Variants in GAB2 observed in about 807,000 individuals in gnomAD.
GAB2 encodes the protein GRB2-associated-binding protein 2.
Under a neutral mutation model 65.5 loss-of-function variants are expected in GAB2, and 26 were observed. The observed-to-expected ratio is 0.40, with a 90% CI of 0.29 to 0.55. GAB2 has a LOEUF of 0.55. Among genes scored for constraint, GAB2 ranks in the 20% least tolerant of loss-of-function variants. The pLI, the probability that GAB2 is intolerant of heterozygous loss-of-function variation, is 0.53. For missense variants in GAB2, 884 were observed against 875.8 expected, an observed-to-expected ratio of 1.01 and a Z score of -0.12; for synonymous variants, 321 against 329.6, an observed-to-expected ratio of 0.97 and a Z score of 0.28.
At position 78,219,299 on chromosome 11, in the gene GAB2, T is replaced by C. The variant is rs2450122; in HGVS notation, c.2004A>G (p.Ser668=). 0.18 allele frequency: 296,675 copies of C among 1,613,214 alleles called. 30,683 individuals carry two copies. Among genetic ancestry groups the C allele is most frequent in the East Asian group, 0.41 (18,344 of 44,810 alleles). The part of the protein sequence containing the change: ...MQEWTDVRQS[S]EPSKGAKL ...ACAGCTTGGCACCCTTGGAAGGCTC[T>C]GAGGACTGCCGCACGTCTGTCCACT... The change falls in exon 10 of 10, where the codon TCA becomes TCG. Residue 668 remains serine (S), a synonymous_variant. Transcript: ENST00000361507.
In GAB2 at chr11:78,226,620, G is replaced by GGGGGGGGCCC; in HGVS notation, c.1051_1052insGGGCCCCCCC (p.Pro351ArgfsTer30). 2 of 1,500,520 alleles carry GGGGGGGGCCC rather than the reference G, an allele frequency of 1.3e-6. No homozygotes were observed. Among genetic ancestry groups the GGGGGGGGCCC allele is most frequent in the South Asian group, 1.1e-5 (1 of 88,864 alleles). The allele number at this position is 1,500,520 out of a possible 1,614,324, so 93.0% of individuals were successfully genotyped here. On this transcript the variant is annotated frameshift_variant, in exon 4 of 10. Transcript: ENST00000361507. LOFTEE classifies it high-confidence loss of function. ...ACTTGGCTTGGGGGGGCGGGGTGGG[G>GGGGGGGGCCC]GAGCTATGGCTGAGTCCCCAGGAGT...
intron 3 of GAB2, among the ~76,000 whole-genome samples, chr11:78,247,640 C>G (rs1865334322): frequency 6.6e-6 from 1 of 152,136 alleles, no homozygotes; most frequent in Non-Finnish European, 1.5e-5. Flanking sequence ...TCACTTCTTT[C>G]AAGAGTCAGA....
At chr11:78,250,551 C>G in intron 2 of GAB2, 151 bp from the exon 3 acceptor site, 1 of 695,810 alleles carries the variant, frequency 1.4e-6, no homozygotes. Context: ...CCCTTGCTGC[C>G]CTCCTGGCCA....
chr11:78,307,525 A>T (rs1033786114), intron 1 of GAB2, among the ~76,000 whole-genome samples: 15 of 151,848 alleles, frequency 9.9e-5, no homozygotes, highest in Admixed American at 9.8e-4. Flanking sequence ...TGGGAGGCCA[A>T]GATAGGAGGA....
intron 1 of GAB2, among the ~76,000 whole-genome samples, chr11:78,362,907 C>T (rs1856452416): frequency 1.3e-5 from 2 of 152,090 alleles, no homozygotes; most frequent in South Asian, 4.1e-4. Context: ...GGTTCAAAGG[C>T]CCAGAAGTCA....
At chr11:78,333,775 G>C (rs1281499945) in intron 1 of GAB2, among the ~76,000 whole-genome samples, 1 of 152,164 alleles carries the variant, frequency 6.6e-6, no homozygotes, top group African/African-American at 2.4e-5. Flanking sequence ...CAGCATTTGA[G>C]ACACCTGAAG....
At chr11:78,250,052 TGAAAC>T in intron 3 of GAB2, 100 bp downstream of exon 3, 1 of 1,212,180 alleles carries the variant, frequency 8.2e-7, no homozygotes, top group Admixed American at 1.9e-5. Flanking sequence ...TTTGTCTACC[TGAAAC>T]GATATAATGT....
chr11:78,282,253 T>C (rs1866354020), intron 1 of GAB2, among the ~76,000 whole-genome samples: 1 of 152,136 alleles, frequency 6.6e-6, no homozygotes, highest in Admixed American at 6.5e-5. Context: ...GCACAAAGAC[T>C]ACATATAACA....
intron 1 of GAB2, among the ~76,000 whole-genome samples, chr11:78,387,436 CTCA>C (rs1399683292): frequency 1.1e-4 from 16 of 152,274 alleles, no homozygotes; most frequent in African/African-American, 3.4e-4. Context: ...TTATCAAGTT[CTCA>C]TCAAGTTTAT....
intron 1 of GAB2, among the ~76,000 whole-genome samples, chr11:78,337,341 C>T (rs757705686): frequency 1.3e-5 from 2 of 152,090 alleles, no homozygotes; most frequent in African/African-American, 4.8e-5. Context: ...AGCTACTATG[C>T]GGGGGTTTCC....
At chr11:78,353,978 C>A (rs1565170813) in intron 1 of GAB2, among the ~76,000 whole-genome samples, 1 of 152,258 alleles carries the variant, frequency 6.6e-6, no homozygotes, top group South Asian at 2.1e-4. Flanking sequence ...ATTTGTGATT[C>A]AGTAGCTCTG....
At chr11:78,398,811 G>A (rs1856934961) in intron 1 of GAB2, among the ~76,000 whole-genome samples, 1 of 152,114 alleles carries the variant, frequency 6.6e-6, no homozygotes, top group Non-Finnish European at 1.5e-5. Context: ...CCAGGTCTGG[G>A]TCAGAAAATG....
In GAB2 at chr11:78,267,379, C is replaced by T. The variant is rs1865898376; in HGVS notation, c.376+13222G>A. On this transcript the variant is annotated intron_variant, in intron 2 of 9. Transcript: ENST00000361507. ...TGACACACGTATCACCTCTAGATCA[C>T]TATTTCCCAGACTCTTCCATTTCAT... Among the ~76,000 whole-genome samples, 2 of 152,202 alleles carry T rather than the reference C, an allele frequency of 1.3e-5. 1 individual carries two copies. The highest frequency in any genetic ancestry group is 4.1e-4 in the South Asian group (2 of 4,834).
intron 1 of GAB2, among the ~76,000 whole-genome samples, chr11:78,295,231 T>C (rs562867881): frequency 6.6e-6 from 1 of 152,270 alleles, no homozygotes; most frequent in East Asian, 1.9e-4. Context: ...AGTCTTAACC[T>C]GAGGCTGAGG....
chr11:78,221,667 A>G lies in GAB2; in HGVS notation c.1761+10T>C, dbSNP rs772890796. On this transcript the variant is annotated intron_variant, in intron 8 of 9. Transcript: ENST00000361507. ...AAAGGCGTCATTCCAGCGAAGCCCG[A>G]AGGACTCACCATAGGGACATAGTTC... is the stretch of plus-strand genomic sequence containing the variant. 6 of 1,578,056 alleles carry G rather than the reference A, an allele frequency of 3.8e-6. No homozygotes were observed.
chr11:78,327,598 G>T (rs1855846388), intron 1 of GAB2, among the ~76,000 whole-genome samples: 1 of 152,104 alleles, frequency 6.6e-6, no homozygotes, highest in Admixed American at 6.5e-5. Context: ...GAGCCTACAG[G>T]GAGCCAGGAA....
rs149658036 is a variant in GAB2, at chr11:78,272,904, G to A, written c.376+7697C>T. On this transcript the variant is annotated intron_variant, in intron 2 of 9. Coordinates refer to ENST00000361507, the MANE Select transcript of GAB2 (RefSeq NM_080491.3). ...GCCCTGTGTCCCAGTCACTCCATCC[G>A]TGACTAAAAGGGGCCAAGGTACAGC... 4.7e-3 allele frequency among the ~76,000 whole-genome samples: 716 copies of A among 152,342 alleles called. 27 individuals are homozygous for A. The highest frequency in any genetic ancestry group is 5.5e-3 in the Non-Finnish European group (374 of 68,030).
At chr11:78,415,522 C>A (rs550552165) in intron 1 of GAB2, among the ~76,000 whole-genome samples, 217 of 152,330 alleles carry the variant, frequency 1.4e-3, no homozygotes, top group Non-Finnish European at 2.7e-3. Flanking sequence ...TTACACATAT[C>A]ACCAGTTTCA....
At chr11:78,220,166 C>T (rs1864350166) in intron 9 of GAB2, among the ~76,000 whole-genome samples, 153 bp downstream of exon 9, 1 of 152,144 alleles carries the variant, frequency 6.6e-6, no homozygotes, top group East Asian at 1.9e-4. Flanking sequence ...TAGATGAAAG[C>T]TCTATGACTA....
Sources: allele counts gnomAD v4.1 joint callset (sites outside exome capture counted in the v4.1 genomes callset), GRCh38; gene constraint gnomAD v4.1.1; transcripts MANE v1.5; gene names NCBI Gene and HGNC (gene_info 2026-07-23, HGNC 2026-07-21).